The following ANK1 variants were observed in gnomAD, a reference collection of about 807,000 sequenced individuals.
ANK1 encodes ankyrin 1.
ANK1 carries 51 observed loss-of-function variants against 210.4 expected under a neutral mutation model. The observed-to-expected ratio is 0.24, with a 90% CI of 0.19 to 0.31. The LOEUF (loss-of-function observed/expected upper bound fraction) is 0.31, where lower values mean the gene tolerates loss of function less well. ANK1 is among the 10% of genes least tolerant of loss of function. ANK1 has a pLI of 1.00. For missense variants in ANK1, 2,051 were observed against 2,504.4 expected, an observed-to-expected ratio of 0.82 and a Z score of 3.86; for synonymous variants, 967 against 1,025.9, an observed-to-expected ratio of 0.94 and a Z score of 1.10.
chr8:41,693,830 A>AC, intron 29 of ANK1, 68 bp downstream of exon 29: 1 of 1,519,238 alleles, frequency 6.6e-7, no homozygotes, highest in South Asian at 1.2e-5. Flanking sequence ...TTCTCGAGTC[A>AC]CCCCCCTACT....
chr8:41,696,741 G>A lies in ANK1; in HGVS notation c.2670C>T (p.Ile890=), dbSNP rs1460214113. ...ASKEYDEDSL[I]PSSPATETSD... is the part of the protein sequence containing the mutation. ...AGGTCTCGGTGGCCGGGCTGCTGGG[G>A]ATGAGGGAGTCCTCATCATACTCTT... The change falls in exon 25 of 43, where the codon ATC becomes ATT. Residue 890 remains isoleucine, a synonymous_variant. Coordinates refer to ENST00000289734, the MANE Select transcript of ANK1 (RefSeq NM_000037.4). 6.2e-7 allele frequency: 1 copy of A among 1,600,226 alleles called. No homozygotes were observed. The highest frequency in any genetic ancestry group is 8.5e-7 in the Non-Finnish European group (1 of 1,179,436).
intron 27 of ANK1, 75 bp downstream of exon 27, chr8:41,695,102 A>G: frequency 6.3e-7 from 1 of 1,593,600 alleles, no homozygotes; most frequent in Non-Finnish European, 8.6e-7. Flanking sequence ...TGGCCCTCAA[A>G]GACCACCTTT....
intron 38 of ANK1, 32 bp from the exon 39 acceptor site, chr8:41,668,596 C>T (rs764125929): frequency 1.3e-6 from 2 of 1,598,194 alleles, no homozygotes; most frequent in Non-Finnish European, 1.7e-6. Context: ...AGATGGCCGG[C>T]CGGGGAGAGA....
At chr8:41,772,669 A>C (rs1018593645) in intron 1 of ANK1, among the ~76,000 whole-genome samples, 19 of 152,222 alleles carry the variant, frequency 1.2e-4, no homozygotes, top group Non-Finnish European at 1.3e-4. Context: ...TCTCTGCAGC[A>C]AAGAAACAAT....
intron 1 of ANK1, among the ~76,000 whole-genome samples, chr8:41,849,608 TC>T (rs1446087506): frequency 1.3e-5 from 2 of 152,164 alleles, no homozygotes; most frequent in Non-Finnish European, 2.9e-5. Context: ...AAAGGCAGGA[TC>T]CTGAGCATGA....
intron 37 of ANK1, among the ~76,000 whole-genome samples, chr8:41,673,729 C>A (rs938021850): frequency 6.6e-5 from 10 of 152,304 alleles, no homozygotes; most frequent in Admixed American, 5.2e-4. Context: ...CTTGCTCAGG[C>A]CCTGAGTGCA....
At chr8:41,865,476 T>C (rs1160497136) in intron 1 of ANK1, among the ~76,000 whole-genome samples, 1 of 152,014 alleles carries the variant, frequency 6.6e-6, no homozygotes, top group Non-Finnish European at 1.5e-5. Flanking sequence ...ACACCCACTC[T>C]GTGCTCCGAG....
Position 41,727,281 on chromosome 8 carries a change from T to A in ANK1, c.395A>T (p.Glu132Val). The change falls in exon 5 of 43, where the codon GAA (glutamate) becomes GTA (valine). Residue 132 changes from glutamate (E) to valine (V), a missense_variant. Glu to Val is a moderately radical substitution (Grantham distance 121, BLOSUM62 -2). This residue lies in a region of ANK1 where 10 missense variants were observed against 36.2 expected (regional missense o/e 0.28). Coordinates refer to ENST00000289734, the MANE Select transcript of ANK1 (RefSeq NM_000037.4). Reference sequence around the variant, plus strand: ...GGCTACATTCTGGTTAGCTCCATTTTCCAGTAAAAACTTAACCACTTCCAA... The same window carrying A: ...GGCTACATTCTGGTTAGCTCCATTTACCAGTAAAAACTTAACCACTTCCAA... Reference protein sequence around the residue: ...NHLEVVKFLLENGANQNVATE... With the variant: ...NHLEVVKFLLVNGANQNVATE... 1 of 1,614,218 alleles carries A rather than the reference T, an allele frequency of 6.2e-7. No individual in the cohort carries two copies. The highest frequency in any genetic ancestry group is 8.5e-7 in the Non-Finnish European group (1 of 1,180,034).
intron 1 of ANK1, among the ~76,000 whole-genome samples, chr8:41,880,471 C>T (rs939491641): frequency 2.0e-5 from 3 of 152,166 alleles, no homozygotes; most frequent in Admixed American, 2.0e-4. Flanking sequence ...CTGTGAACCC[C>T]GGGAAAGCAG....
rs1470450726 is a variant in ANK1, at chr8:41,717,656, G to C, written c.1253C>G (p.Pro418Arg). Reference sequence around the variant, plus strand: ...CCGCTGCAGGAGGTTCTTCACGATGGGAAGGTGCCCCATGAAGGAGGCCAC... The same window carrying C: ...CCGCTGCAGGAGGTTCTTCACGATGCGAAGGTGCCCCATGAAGGAGGCCAC... ...LHVASFMGHL[P>R]IVKNLLQRGA... Residue 418 changes from proline (P) to arginine (R), a missense_variant, in exon 12 of 43, where the codon CCC becomes CGC. Coordinates refer to ENST00000289734, the MANE Select transcript of ANK1 (RefSeq NM_000037.4). 24 of 1,551,564 alleles carry C rather than the reference G, an allele frequency of 1.5e-5. No homozygotes were observed. The highest frequency in any genetic ancestry group is 2.0e-5 in the Non-Finnish European group (23 of 1,147,002).
chr8:41,783,050 G>A (rs1001223440), intron 1 of ANK1, among the ~76,000 whole-genome samples: 1 of 152,114 alleles, frequency 6.6e-6, no homozygotes, highest in Non-Finnish European at 1.5e-5. Context: ...TCAAAGCTCC[G>A]CAGGCCCAGG....
At chr8:41,771,470 G>T (rs1842940163) in intron 1 of ANK1, among the ~76,000 whole-genome samples, 1 of 152,202 alleles carries the variant, frequency 6.6e-6, no homozygotes, top group African/African-American at 2.4e-5. Context: ...CTTCAAGGCT[G>T]CACGTTTTAA....
chr8:41,692,352 C>T (rs1051307455), intron 31 of ANK1, among the ~76,000 whole-genome samples: 2 of 152,206 alleles, frequency 1.3e-5, no homozygotes, highest in Admixed American at 6.5e-5. Flanking sequence ...CCACTGCGCC[C>T]GGCATGGCCA....
chr8:41,690,110 G>T (rs867221335), intron 33 of ANK1, 117 bp downstream of exon 33: 5 of 1,509,850 alleles, frequency 3.3e-6, no homozygotes, highest in Middle Eastern at 2.3e-4. Context: ...TGCCTCGGGG[G>T]ACTCTAAGCT....
chr8:41,880,774 C>G (rs1303472463), intron 1 of ANK1, among the ~76,000 whole-genome samples: 1 of 152,266 alleles, frequency 6.6e-6, no homozygotes, highest in Non-Finnish European at 1.5e-5. Flanking sequence ...CATCCAAACT[C>G]AAGCTCCCTG....
chr8:41,839,690 A>G (rs1344211562), intron 1 of ANK1, among the ~76,000 whole-genome samples: 3 of 152,206 alleles, frequency 2.0e-5, no homozygotes, highest in African/African-American at 7.2e-5. Context: ...CCAAAATGAC[A>G]TTCCAGAAAA....
At chr8:41,669,478 A>G (rs943558011) in intron 38 of ANK1, among the ~76,000 whole-genome samples, 5 of 152,016 alleles carry the variant, frequency 3.3e-5, no homozygotes, top group Admixed American at 6.6e-5. Context: ...AAAATTTTGT[A>G]GAGATGGGTT....
chr8:41,795,864 A>G (rs1013979849), intron 1 of ANK1, among the ~76,000 whole-genome samples: 3 of 152,206 alleles, frequency 2.0e-5, no homozygotes, highest in Non-Finnish European at 4.4e-5. Flanking sequence ...ACTATACTAT[A>G]ATAGCAACAA....
intron 1 of ANK1, among the ~76,000 whole-genome samples, chr8:41,860,222 G>A (rs1813019205): frequency 6.6e-6 from 1 of 152,192 alleles, no homozygotes; most frequent in Admixed American, 6.5e-5. Flanking sequence ...AAAATCTGCA[G>A]GCTAAGAATA....
Sources: gnomAD v4.1 joint callset for allele counts (sites outside exome capture counted in the v4.1 genomes callset) on GRCh38, gnomAD v4.1.1 for gene constraint, gnomAD v4.1.1 regional missense constraint, MANE v1.5 for transcripts, NCBI Gene and HGNC (gene_info 2026-07-23, HGNC 2026-07-21) for gene names.